Variants in TAFA1 observed in about 807,000 individuals in gnomAD.
The protein encoded by TAFA1 is TAFA chemokine like family member 1.
Under a neutral mutation model 18.5 loss-of-function variants are expected in TAFA1, and 4 were observed. That is an observed-to-expected ratio of 0.22 (90% CI 0.11 to 0.49). The LOEUF (loss-of-function observed/expected upper bound fraction) is 0.49. TAFA1 is among the 20% of genes least tolerant of loss of function. The probability of loss-of-function intolerance (pLI) is 0.98; values close to 1 mark genes in which losing one functional copy is unlikely to be tolerated. For missense variants in TAFA1, 147 were observed against 169.0 expected (o/e 0.87, Z 0.72); for synonymous variants, 56 against 55.2 (o/e 1.01, Z -0.06).
chr3:68,442,536 A>C (rs1257709576), intron 3 of TAFA1, among the ~76,000 whole-genome samples: 1 of 152,166 alleles, frequency 6.6e-6, no homozygotes, highest in African/African-American at 2.4e-5. Context: ...AACTATAGCA[A>C]TACTAATATT....
intron 3 of TAFA1, among the ~76,000 whole-genome samples, chr3:68,419,741 A>T (rs977419083): frequency 2.0e-5 from 3 of 152,152 alleles, no homozygotes; most frequent in African/African-American, 7.2e-5. Context: ...GATTCATGTT[A>T]TGTATTTTCA....
chr3:68,273,405 T>C (rs1229677210), intron 2 of TAFA1, among the ~76,000 whole-genome samples: 4 of 152,204 alleles, frequency 2.6e-5, no homozygotes, highest in Admixed American at 2.0e-4. Context: ...CTTTGTGTCT[T>C]GCAAAGGACA....
chr3:68,150,867 AC>A (rs2065799259), intron 2 of TAFA1, among the ~76,000 whole-genome samples: 1 of 152,168 alleles, frequency 6.6e-6, no homozygotes, highest in Non-Finnish European at 1.5e-5. Context: ...AGTAATAGCT[AC>A]TTTTGTTGAG....
intron 2 of TAFA1, among the ~76,000 whole-genome samples, chr3:68,141,664 G>A (rs138423255): frequency 3.2e-4 from 48 of 152,324 alleles, no homozygotes; most frequent in African/African-American, 1.1e-3. Flanking sequence ...GTGAAAGGAT[G>A]TAGGCTTGGA....
At chr3:68,280,099 A>C (rs2067871917) in intron 2 of TAFA1, among the ~76,000 whole-genome samples, 1 of 152,152 alleles carries the variant, frequency 6.6e-6, no homozygotes, top group Non-Finnish European at 1.5e-5. Context: ...TGTCTGCTGA[A>C]TGGGGCTGTT....
Position 68,268,868 on chromosome 3 carries a change from C to T in TAFA1, c.119-148412C>T, listed in dbSNP as rs183996562. ...ACTTTCAGAGTGGCTGACACAAACT[C>T]ATTACACTAAGCTGTCTTGCCTGAC... On this transcript the variant is annotated intron_variant, in intron 2 of 4. Transcript: ENST00000478136. 4.4e-4 allele frequency among the ~76,000 whole-genome samples: 67 copies of T among 152,274 alleles called. 2 individuals carry two copies. The highest frequency in any genetic ancestry group is 1.5e-3 in the African/African-American group (63 of 41,564).
rs148680934 is a variant in TAFA1 at position 68,063,214 on chromosome 3, T to C, written c.118+56470T>C. On this transcript the variant is annotated intron_variant, in intron 2 of 4. Coordinates refer to ENST00000478136, the MANE Select transcript of TAFA1 (RefSeq NM_213609.4). ...AAGGAAAAGTGTGAATCAAAGCTTA[T>C]TTGAAATCCCATATGTAAAATAAAC... 8.5e-5 allele frequency among the ~76,000 whole-genome samples: 13 copies of C among 152,296 alleles called. 1 individual carries two copies. The highest frequency in any genetic ancestry group is 1.5e-4 in the Non-Finnish European group (10 of 68,022).
intron 2 of TAFA1, among the ~76,000 whole-genome samples, chr3:68,396,159 C>G (rs1288483626): frequency 1.3e-5 from 2 of 151,574 alleles, no homozygotes; most frequent in Non-Finnish European, 2.9e-5. Context: ...GAGTAAAAAC[C>G]CTGTTGAGAT....
At chr3:68,441,215 G>A (rs73111018) in intron 3 of TAFA1, among the ~76,000 whole-genome samples, 18,729 of 152,086 alleles carry the variant, frequency 0.12, 1,589 homozygotes, top group East Asian at 0.34. Context: ...GGTTTTGAGT[G>A]AGGTCCAGAA....
chr3:68,363,643 T>C (rs1226554705), intron 2 of TAFA1, among the ~76,000 whole-genome samples: 1 of 152,172 alleles, frequency 6.6e-6, no homozygotes. Context: ...GAAGCATAAA[T>C]AAGAAAAACT....
chr3:68,544,370 G>GA (rs899341665), intron 4 of TAFA1, 116 bp from the exon 5 acceptor site: 3 of 1,068,560 alleles, frequency 2.8e-6, no homozygotes, highest in South Asian at 1.5e-5. Flanking sequence ...CAGATCACCT[G>GA]AAAAAAAGCA....
At position 68,034,922 on chromosome 3, in the gene TAFA1, G is replaced by A. The variant is rs541518675; in HGVS notation, c.118+28178G>A. On this transcript the variant is annotated intron_variant, in intron 2 of 4. Transcript: ENST00000478136. ...TTGGTTATGCATTCATCCTTATATA[G>A]TGGTGCCCAGTTGGGTGGCATCTTA... 9.9e-5 allele frequency among the ~76,000 whole-genome samples: 15 copies of A among 152,174 alleles called. 1 individual carries two copies. Among genetic ancestry groups the A allele is most frequent in the Middle Eastern group, 3.4e-3 (1 of 294 alleles).
intron 2 of TAFA1, among the ~76,000 whole-genome samples, chr3:68,408,665 C>G (rs2070656849): frequency 1.3e-5 from 2 of 151,770 alleles, no homozygotes; most frequent in Non-Finnish European, 2.9e-5. Context: ...GTCATTTAAT[C>G]ATTTAGTAAA....
rs201131744 is a variant in TAFA1, at chr3:68,123,001, A to C, written c.118+116257A>C. ...AGAAAGAGCAGTAAAGAAAAAAAAAACCCTTTTTTTTCCAAAAATCTGTCT... is the reference window on the plus strand; with the variant it reads ...AGAAAGAGCAGTAAAGAAAAAAAAACCCCTTTTTTTTCCAAAAATCTGTCT... On this transcript the variant is annotated intron_variant, in intron 2 of 4. Coordinates refer to ENST00000478136, the MANE Select transcript of TAFA1 (RefSeq NM_213609.4). Among the ~76,000 whole-genome samples the C allele has an allele frequency of 5.0e-5, 7 of 140,790 alleles. No individual in the cohort carries two copies. The East Asian group carries it at 9.8e-4, about 20-fold the overall frequency. 92.4% of individuals were successfully genotyped at this position (140,790 alleles called of 152,430 possible). A position where few individuals can be genotyped will look rare whatever the true frequency, so the allele number is the denominator to read the frequency against.
At chr3:68,261,425 A>C (rs1230648236) in intron 2 of TAFA1, among the ~76,000 whole-genome samples, 2 of 152,326 alleles carry the variant, frequency 1.3e-5, no homozygotes, top group African/African-American at 4.8e-5. Flanking sequence ...GTATATACCC[A>C]AAGGATTATA....
chr3:68,412,707 C>CTT (rs2070739568), intron 2 of TAFA1, among the ~76,000 whole-genome samples: 1 of 152,076 alleles, frequency 6.6e-6, no homozygotes, highest in Non-Finnish European at 1.5e-5. Flanking sequence ...GACATGAATG[C>CTT]ATCCTTTTTT....
intron 2 of TAFA1, among the ~76,000 whole-genome samples, chr3:68,171,528 A>T (rs1321354823): frequency 1.3e-5 from 2 of 151,188 alleles, no homozygotes; most frequent in Non-Finnish European, 3.0e-5. Flanking sequence ...TGTCCAGATT[A>T]TATATTTTAA....
intron 2 of TAFA1, among the ~76,000 whole-genome samples, chr3:68,094,210 C>T (rs1163190367): frequency 6.6e-6 from 1 of 152,030 alleles, no homozygotes; most frequent in Non-Finnish European, 1.5e-5. Flanking sequence ...CCTAAAAAAA[C>T]TCTAATTCCA....
chr3:68,281,084 T>C (rs2067889667), intron 2 of TAFA1, among the ~76,000 whole-genome samples: 1 of 152,176 alleles, frequency 6.6e-6, no homozygotes, highest in South Asian at 2.1e-4. Flanking sequence ...AGAAATCCAT[T>C]AAATTTCTAA....
Sources: allele counts gnomAD v4.1 joint callset (sites outside exome capture counted in the v4.1 genomes callset), GRCh38; gene constraint gnomAD v4.1.1; transcripts MANE v1.5; gene names NCBI Gene and HGNC (gene_info 2026-07-23, HGNC 2026-07-21).